The following CSMD3 variants were observed in gnomAD, a reference collection of about 807,000 sequenced individuals.
CSMD3 encodes CUB and sushi domain-containing protein 3.
CSMD3 carries 177 observed loss-of-function variants against 435.2 expected under a neutral mutation model. That is an observed-to-expected ratio of 0.41 (90% confidence interval 0.36 to 0.46). The LOEUF (loss-of-function observed/expected upper bound fraction) is 0.46. CSMD3 is among the 20% of genes least tolerant of loss of function. The pLI, the probability that CSMD3 is intolerant of heterozygous loss-of-function variation, is 0.34. For missense variants in CSMD3, 4,265 were observed against 4,504.6 expected (o/e 0.95, Z 1.52); for synonymous variants, 1,656 against 1,520.5 (o/e 1.09, Z -2.07).
intron 3 of CSMD3, among the ~76,000 whole-genome samples, chr8:113,191,722 T>G (rs911016726): frequency 1.3e-5 from 2 of 151,836 alleles, no homozygotes; most frequent in Non-Finnish European, 2.9e-5. Flanking sequence ...AATGAACATG[T>G]GAGTGCATGT....
intron 6 of CSMD3, among the ~76,000 whole-genome samples, chr8:113,001,554 C>T (rs2131072340): frequency 6.6e-6 from 1 of 152,156 alleles, no homozygotes; most frequent in South Asian, 2.1e-4. Context: ...AATCTAGATC[C>T]TACATCCCCT....
At chr8:112,640,052 C>T (rs758055485) in intron 20 of CSMD3, among the ~76,000 whole-genome samples, 70 of 152,200 alleles carry the variant, frequency 4.6e-4, no homozygotes, top group Non-Finnish European at 3.7e-4. Context: ...ATGGTTGCTC[C>T]GTATCTTCTC....
chr8:113,198,597 T>G (rs979012779), intron 3 of CSMD3, among the ~76,000 whole-genome samples: 2 of 151,324 alleles, frequency 1.3e-5, no homozygotes, highest in Non-Finnish European at 3.0e-5. Flanking sequence ...GTTTTTGTTT[T>G]TTTTTAAAAA....
intron 2 of CSMD3, chr8:113,311,945 T>A (rs980950412): frequency 6.6e-6 from 1 of 152,116 alleles, no homozygotes; most frequent in Non-Finnish European, 1.5e-5. Context: ...ATAAAATAAA[T>A]AGGAAAAATA....
chr8:112,460,109 C>G (rs1033241977), intron 32 of CSMD3, among the ~76,000 whole-genome samples: 2 of 152,076 alleles, frequency 1.3e-5, no homozygotes, highest in African/African-American at 2.4e-5. Flanking sequence ...GCAGTTTCCA[C>G]ATTCTTCCTG....
chr8:112,706,701 T>C (rs1225467794), intron 13 of CSMD3, among the ~76,000 whole-genome samples: 1 of 152,054 alleles, frequency 6.6e-6, no homozygotes, highest in Non-Finnish European at 1.5e-5. Context: ...TTAAGGGCCT[T>C]TGATTTTATT....
In CSMD3 at chr8:112,559,899, A is replaced by G. The variant is rs1220587664; in HGVS notation, c.4043-2945T>C. The stretch of plus-strand genomic sequence containing the variant: ...TAGAAAACCTTTAAGAATATTCTAG[A>G]TAGTTTTATGAATAAGGAAAATCAC... On this transcript the variant is annotated intron_variant, in intron 24 of 70. Coordinates refer to ENST00000297405, the MANE Select transcript of CSMD3 (RefSeq NM_198123.2). 2.6e-5 allele frequency among the ~76,000 whole-genome samples: 4 copies of G among 151,970 alleles called. No individual in the cohort carries two copies. In the East Asian group the frequency reaches 7.8e-4, roughly 30 times the overall value.
chr8:112,270,622 A>G (rs1261977205), intron 59 of CSMD3, among the ~76,000 whole-genome samples: 4 of 152,122 alleles, frequency 2.6e-5, no homozygotes, highest in Non-Finnish European at 5.9e-5. Context: ...TTTTGTTTAA[A>G]TGATTTTTTA....
intron 4 of CSMD3, among the ~76,000 whole-genome samples, chr8:113,127,750 C>A (rs562113415): frequency 8.5e-5 from 13 of 152,152 alleles, no homozygotes; most frequent in African/African-American, 3.1e-4. Flanking sequence ...TGTTACTCCC[C>A]TCCTATAATG....
intron 2 of CSMD3, 21 bp from the exon 3 acceptor site, chr8:113,278,725 T>C (rs765415977): frequency 1.7e-5 from 18 of 1,067,022 alleles, no homozygotes; most frequent in Non-Finnish European, 2.2e-5. Flanking sequence ...ATGGAATTAA[T>C]TGTTAGAGAC....
chr8:112,773,851 G>GA (rs2078181234), intron 13 of CSMD3, among the ~76,000 whole-genome samples: 1 of 151,964 alleles, frequency 6.6e-6, no homozygotes. Context: ...TGCCAAAGTA[G>GA]AAAGAATGTA....
intron 13 of CSMD3, among the ~76,000 whole-genome samples, chr8:112,756,935 AT>A (rs1488799065): frequency 5.9e-5 from 9 of 151,642 alleles, no homozygotes; most frequent in Non-Finnish European, 1.3e-4. Flanking sequence ...TGCCCAGCTA[AT>A]TTTTGTATTT....
intron 22 of CSMD3, among the ~76,000 whole-genome samples, chr8:112,593,787 A>C (rs1022335912): frequency 3.3e-5 from 5 of 152,208 alleles, no homozygotes; most frequent in African/African-American, 9.6e-5. Context: ...TCAGAGTTCA[A>C]TTAAAATGAA....
intron 27 of CSMD3, among the ~76,000 whole-genome samples, chr8:112,542,132 G>T (rs960198826): frequency 2.0e-5 from 3 of 149,748 alleles, no homozygotes; most frequent in Non-Finnish European, 4.4e-5. Flanking sequence ...AATATATTAG[G>T]AATAGAAGAA....
chr8:112,988,648 T>G (rs925316828), intron 6 of CSMD3, among the ~76,000 whole-genome samples: 24 of 152,016 alleles, frequency 1.6e-4, no homozygotes, highest in Admixed American at 1.3e-3. Flanking sequence ...GTTCCTAACT[T>G]TTACCAACAA....
At chr8:113,151,751 G>C (rs2091811406) in intron 4 of CSMD3, among the ~76,000 whole-genome samples, 1 of 151,904 alleles carries the variant, frequency 6.6e-6, no homozygotes, top group African/African-American at 2.4e-5. Flanking sequence ...ACAGAGTCAA[G>C]ATTATTTAAA....
Position 113,173,718 on chromosome 8 carries a change from T to C in CSMD3, c.709+4A>G, listed in dbSNP as rs2131889627. The C allele has an allele frequency of 6.2e-7, 1 of 1,604,268 alleles. No individual in the cohort carries two copies. Among genetic ancestry groups the C allele is most frequent in the Admixed American group, 1.7e-5 (1 of 59,978 alleles). ...CTCTCATTTTTAAAGTGTTTTCATTTTACCTCTACAGATAGGAACAGGAAA... is the reference window on the plus strand; with the variant it reads ...CTCTCATTTTTAAAGTGTTTTCATTCTACCTCTACAGATAGGAACAGGAAA... On this transcript the variant is annotated splice_donor_region_variant and intron_variant, in intron 4 of 70. Coordinates refer to ENST00000297405, the MANE Select transcript of CSMD3 (RefSeq NM_198123.2).
chr8:112,580,900 C>T (rs538534451), intron 23 of CSMD3, among the ~76,000 whole-genome samples: 1 of 152,178 alleles, frequency 6.6e-6, no homozygotes, highest in East Asian at 1.9e-4. Flanking sequence ...ACAGAATTGA[C>T]TGAGTTTATC....
intron 20 of CSMD3, chr8:112,643,619 G>C (rs977540655): frequency 6.0e-6 from 1 of 167,750 alleles, no homozygotes; most frequent in Non-Finnish European, 1.5e-5. Flanking sequence ...TATAATATCA[G>C]GGAGCTTATT....
Sources: allele counts gnomAD v4.1 joint callset (sites outside exome capture counted in the v4.1 genomes callset), GRCh38; gene constraint gnomAD v4.1.1; transcripts MANE v1.5; gene names NCBI Gene and HGNC (gene_info 2026-07-23, HGNC 2026-07-21).